The following RNLS variants were observed in gnomAD, a reference collection of about 807,000 sequenced individuals.
RNLS encodes renalase, FAD dependent amine oxidase.
Under a neutral mutation model 39.8 loss-of-function variants are expected in RNLS, and 39 were observed. That is an observed-to-expected ratio of 0.98 (90% CI 0.76 to 1.28). The LOEUF (loss-of-function observed/expected upper bound fraction) is 1.28. Among genes scored for constraint, RNLS ranks in the 50% most tolerant of loss-of-function variants. The probability of loss-of-function intolerance (pLI) is 0.00; values close to 1 mark genes in which losing one functional copy is unlikely to be tolerated. For synonymous variants in RNLS, 147 were observed against 150.7 expected (o/e 0.98, Z 0.18); for missense variants, 410 against 413.3 (o/e 0.99, Z 0.07).
At chr10:88,573,308 A>G (rs943086898) in intron 3 of RNLS, among the ~76,000 whole-genome samples, 35 of 152,362 alleles carry the variant, frequency 2.3e-4, no homozygotes, top group African/African-American at 8.4e-4. Context: ...AGTGATAAAA[A>G]TAAAAATAAT....
At chr10:88,364,274 AG>A (rs1013183634) in intron 4 of RNLS, among the ~76,000 whole-genome samples, 21 of 152,284 alleles carry the variant, frequency 1.4e-4, no homozygotes, top group Admixed American at 8.5e-4. Context: ...CTCAAGGATG[AG>A]GGGGAAACTT....
At chr10:88,567,413 C>T (rs1442478781) in intron 4 of RNLS, among the ~76,000 whole-genome samples, 1 of 152,204 alleles carries the variant, frequency 6.6e-6, no homozygotes, top group East Asian at 1.9e-4. Context: ...TAAAGGATCT[C>T]TCTTGATATA....
the RNLS span, among the ~76,000 whole-genome samples, chr10:88,217,157 T>A: frequency 1.4e-3 from 217 of 152,270 alleles, 1 homozygote; most frequent in African/African-American, 4.1e-3. Flanking sequence ...AGTATTGTGC[T>A]ACACCCTGCT....
At chr10:88,375,905 G>A (rs1222206973) in intron 4 of RNLS, among the ~76,000 whole-genome samples, 3 of 152,132 alleles carry the variant, frequency 2.0e-5, no homozygotes, top group Non-Finnish European at 4.4e-5. Context: ...GAAAGGAGTA[G>A]GGGCTTGGCA....
intron 4 of RNLS, among the ~76,000 whole-genome samples, chr10:88,512,446 T>G (rs1356850057): frequency 6.6e-6 from 1 of 152,106 alleles, no homozygotes; most frequent in Non-Finnish European, 1.5e-5. Flanking sequence ...TATTCATTAC[T>G]TCACAGATAC....
intron 4 of RNLS, among the ~76,000 whole-genome samples, chr10:88,514,239 G>A (rs575248219): frequency 1.3e-5 from 2 of 151,934 alleles, no homozygotes; most frequent in Non-Finnish European, 2.9e-5. Flanking sequence ...ACAGCTGAGA[G>A]AGAGAAAGAG....
chr10:88,403,145 C>T (rs1853041865), intron 4 of RNLS, among the ~76,000 whole-genome samples: 1 of 151,272 alleles, frequency 6.6e-6, no homozygotes, highest in African/African-American at 2.4e-5. Flanking sequence ...CTGGTTTCTT[C>T]AACAAAAGAT....
chr10:88,392,952 T>C (rs531780689), intron 4 of RNLS, among the ~76,000 whole-genome samples: 103 of 152,276 alleles, frequency 6.8e-4, no homozygotes, highest in African/African-American at 2.4e-3. Flanking sequence ...ATTATCTCAA[T>C]AGATGCAGAA....
chr10:88,301,396 G>C (rs1035430764), intron 6 of RNLS, among the ~76,000 whole-genome samples: 3 of 152,130 alleles, frequency 2.0e-5, no homozygotes, highest in African/African-American at 7.2e-5. Flanking sequence ...GCTTATGATT[G>C]ACACCTGTTA....
chr10:88,427,712 G>T (rs528487404), intron 4 of RNLS, among the ~76,000 whole-genome samples: 4 of 152,092 alleles, frequency 2.6e-5, no homozygotes, highest in Non-Finnish European at 5.9e-5. Context: ...AGAGAAATCA[G>T]TCATATTCTT....
At position 88,445,959 on chromosome 10, in the gene RNLS, C is replaced by T. The variant is rs183497525; in HGVS notation, c.527-83234G>A. Reference sequence around the variant, plus strand: ...GAATTGAACTCAGCTCTGCACCAAGCGGACCTAACAGACATCTGTAGAACT... The same window carrying T: ...GAATTGAACTCAGCTCTGCACCAAGTGGACCTAACAGACATCTGTAGAACT... On this transcript the variant is annotated intron_variant, in intron 4 of 6. Transcript: ENST00000331772. 2.1e-3 allele frequency among the ~76,000 whole-genome samples: 320 copies of T among 152,284 alleles called. 2 individuals carry two copies. The highest frequency in any genetic ancestry group is 3.4e-3 in the Middle Eastern group (1 of 294).
intron 4 of RNLS, among the ~76,000 whole-genome samples, chr10:88,513,161 A>AC (rs1846228235): frequency 6.6e-6 from 1 of 152,034 alleles, no homozygotes; most frequent in African/African-American, 2.4e-5. Context: ...TTTTTTCCCA[A>AC]TTTTTTGCAC....
At chr10:88,391,988 C>A (rs2133582654) in intron 4 of RNLS, among the ~76,000 whole-genome samples, 1 of 152,354 alleles carries the variant, frequency 6.6e-6, no homozygotes, top group East Asian at 1.9e-4. Context: ...GCGCTCTCTC[C>A]AAACTCCATT....
chr10:88,435,683 A>C (rs561740258), intron 4 of RNLS, among the ~76,000 whole-genome samples: 1 of 152,290 alleles, frequency 6.6e-6, no homozygotes, highest in South Asian at 2.1e-4. Context: ...ACACAGCTGC[A>C]GGGCAAAAGG....
intron 4 of RNLS, among the ~76,000 whole-genome samples, chr10:88,442,987 G>A (rs1207490350): frequency 6.6e-6 from 1 of 152,148 alleles, no homozygotes; most frequent in African/African-American, 2.4e-5. Flanking sequence ...TCCAGAGATT[G>A]AAAGTATTTT....
intron 4 of RNLS, among the ~76,000 whole-genome samples, chr10:88,524,574 T>C (rs1846966399): frequency 6.6e-6 from 1 of 152,106 alleles, no homozygotes; most frequent in African/African-American, 2.4e-5. Context: ...TATTAGCTAT[T>C]TAAATTAATT....
At chr10:88,580,023 C>A (rs1257093097) in intron 3 of RNLS, among the ~76,000 whole-genome samples, 1 of 152,152 alleles carries the variant, frequency 6.6e-6, no homozygotes, top group African/African-American at 2.4e-5. Flanking sequence ...TTTTTTCCAG[C>A]CTTCAGAGTA....
the RNLS span, among the ~76,000 whole-genome samples, chr10:88,184,070 T>C: frequency 6.6e-6 from 1 of 152,156 alleles, no homozygotes. Context: ...TCCTTAAAGA[T>C]GAACTCCTGG....
rs1391769649 is a variant in RNLS at position 88,484,976 on chromosome 10, AG to A, written c.526+87926del. 3.3e-5 allele frequency among the ~76,000 whole-genome samples: 5 copies of A among 151,942 alleles called. No homozygotes were observed. The East Asian group carries it at 9.6e-4, about 29-fold the overall frequency. On this transcript the variant is annotated intron_variant, in intron 4 of 6. Coordinates refer to ENST00000331772, the MANE Select transcript of RNLS (RefSeq NM_001031709.3). The stretch of plus-strand genomic sequence containing the variant: ...ATATATTTTGTCAGAATTATCCTTA[AG>A]CATCTCATGTTATTTGATGCTTTTT...
Sources: allele counts gnomAD v4.1 joint callset (sites outside exome capture counted in the v4.1 genomes callset), GRCh38; gene constraint gnomAD v4.1.1; transcripts MANE v1.5; gene names NCBI Gene and HGNC (gene_info 2026-07-23, HGNC 2026-07-21).